Variants in PTPRZ1 observed in about 807,000 individuals in gnomAD.
PTPRZ1 encodes receptor-type tyrosine-protein phosphatase zeta.
PTPRZ1 carries 82 observed loss-of-function variants against 214.1 expected under a neutral mutation model. The observed-to-expected ratio is 0.38, with a 90% confidence interval of 0.32 to 0.46. PTPRZ1 has a LOEUF of 0.46. Ranked by LOEUF, PTPRZ1 falls within the 20% of genes least tolerant of loss-of-function variation. The pLI, the probability that PTPRZ1 is intolerant of heterozygous loss-of-function variation, is 1.00. For missense variants in PTPRZ1, 2,603 were observed against 2,748.7 expected, an observed-to-expected ratio of 0.95 and a Z score of 1.19; for synonymous variants, 945 against 987.9, an observed-to-expected ratio of 0.96 and a Z score of 0.81.
At chr7:121,981,048 A>C (rs1797594042) in intron 6 of PTPRZ1, among the ~76,000 whole-genome samples, 1 of 151,986 alleles carries the variant, frequency 6.6e-6, no homozygotes, top group Non-Finnish European at 1.5e-5. Flanking sequence ...AGGCTGAGGC[A>C]GGAGAATGGC....
At chr7:121,918,053 A>AC (rs1464575517) in intron 1 of PTPRZ1, among the ~76,000 whole-genome samples, 4 of 151,924 alleles carry the variant, frequency 2.6e-5, no homozygotes, top group Non-Finnish European at 5.9e-5. Context: ...GCTAAAAAAA[A>AC]AAAAAAAAGG....
At chr7:121,900,480 T>C (rs910464545) in intron 1 of PTPRZ1, among the ~76,000 whole-genome samples, 2 of 152,232 alleles carry the variant, frequency 1.3e-5, no homozygotes. Flanking sequence ...CTTCCCATTC[T>C]ACTCCATGAA....
At chr7:122,043,360 A>G (rs1226566585) in intron 22 of PTPRZ1, among the ~76,000 whole-genome samples, 1 of 152,194 alleles carries the variant, frequency 6.6e-6, no homozygotes, top group Admixed American at 6.5e-5. Flanking sequence ...CATCCTTGCT[A>G]GCAAAAATCT....
chr7:121,929,858 A>G (rs1795873687), intron 2 of PTPRZ1, among the ~76,000 whole-genome samples: 1 of 150,922 alleles, frequency 6.6e-6, no homozygotes, highest in African/African-American at 2.4e-5. Flanking sequence ...AAATAAATAA[A>G]TAGATTTGTG....
Position 122,039,434 on chromosome 7 carries a change from A to C in PTPRZ1, c.5503-20A>C, listed in dbSNP as rs749196390. 6.2e-7 allele frequency: 1 copy of C among 1,608,272 alleles called. No individual in the cohort carries two copies. Among genetic ancestry groups the C allele is most frequent in the Non-Finnish European group, 8.5e-7 (1 of 1,178,460 alleles). On this transcript the variant is annotated intron_variant, in intron 19 of 29. Transcript: ENST00000393386. ...GGAGCATTTGAAATACAGAAGTAAC[A>C]TCTACATTTTCTTTTGCAGAGAAAA...
At chr7:121,994,127 C>T (rs767560003) in intron 8 of PTPRZ1, among the ~76,000 whole-genome samples, 2 of 152,074 alleles carry the variant, frequency 1.3e-5, no homozygotes, top group African/African-American at 2.4e-5. Context: ...AATTTTGACA[C>T]GTCTACTGAT....
chr7:122,017,582 G>A (rs886824999), intron 12 of PTPRZ1, among the ~76,000 whole-genome samples: 1 of 63,428 alleles, frequency 1.6e-5, no homozygotes, highest in African/African-American at 1.0e-4. Flanking sequence ...TTTATTTTGA[G>A]ATAGAGTCTC....
chr7:121,971,398 CAG>C (rs1302247310), intron 3 of PTPRZ1, among the ~76,000 whole-genome samples: 1 of 152,064 alleles, frequency 6.6e-6, no homozygotes, highest in East Asian at 1.9e-4. Flanking sequence ...CATTCAATGA[CAG>C]AGGGTGACAG....
chr7:122,042,801 G>A (rs1799773660), intron 22 of PTPRZ1, 58 bp downstream of exon 22: 3 of 1,541,848 alleles, frequency 1.9e-6, no homozygotes, highest in Admixed American at 3.4e-5. Context: ...TCACTAAAAT[G>A]TAGGTGTATT....
chr7:121,963,428 G>A (rs191184274), intron 2 of PTPRZ1, among the ~76,000 whole-genome samples: 2 of 152,090 alleles, frequency 1.3e-5, no homozygotes, highest in Non-Finnish European at 2.9e-5. Flanking sequence ...GTGCTTGGAT[G>A]TTGAAATAAT....
chr7:122,044,710 G>A, intron 23 of PTPRZ1, 142 bp downstream of exon 23: 3 of 818,292 alleles, frequency 3.7e-6, no homozygotes, highest in South Asian at 1.9e-5. Context: ...TCCTTACTGT[G>A]GGCTACAGTG....
chr7:122,055,281 C>T (rs1263889592), intron 27 of PTPRZ1, among the ~76,000 whole-genome samples, 194 bp downstream of exon 27: 3 of 151,942 alleles, frequency 2.0e-5, no homozygotes, highest in African/African-American at 7.2e-5. Flanking sequence ...TTAGTCATCA[C>T]TACGTCATTC....
intron 13 of PTPRZ1, among the ~76,000 whole-genome samples, chr7:122,028,066 TC>T (rs1799256706): frequency 1.3e-5 from 2 of 152,226 alleles, no homozygotes; most frequent in Non-Finnish European, 2.9e-5. Flanking sequence ...TCTACATAGT[TC>T]ATTTCTACAT....
chr7:122,012,058 A>T lies in PTPRZ1; in HGVS notation c.3012A>T (p.Glu1004Asp). ...GEWSGASSDS[E>D]FLLPDTDGLT... ...GGTCTGGAGCCTCTTCTGATAGTGA[A>T]TTTCTTTTACCTGACACAGATGGGC... Residue 1004 changes from glutamate to aspartate, a missense_variant, in exon 12 of 30, where the codon GAA becomes GAT. Physicochemically the swap from Glu to Asp is conservative, Grantham distance 45. Coordinates refer to ENST00000393386, the MANE Select transcript of PTPRZ1 (RefSeq NM_002851.3). 1 of 1,614,190 alleles carries T rather than the reference A, an allele frequency of 6.2e-7. No homozygotes were observed. Among genetic ancestry groups the T allele is most frequent in the Non-Finnish European group, 8.5e-7 (1 of 1,180,026 alleles).
intron 2 of PTPRZ1, among the ~76,000 whole-genome samples, chr7:121,934,352 G>A (rs1796009871): frequency 6.6e-6 from 1 of 151,872 alleles, no homozygotes; most frequent in African/African-American, 2.4e-5. Context: ...CATGGACAGT[G>A]CTCAGTGCAG....
chr7:122,057,716 C>A (rs916354204), intron 27 of PTPRZ1, among the ~76,000 whole-genome samples: 1 of 128,628 alleles, frequency 7.8e-6, no homozygotes, highest in African/African-American at 2.9e-5. Context: ...ATGTATTGAT[C>A]TTTTTATTCC....
At chr7:121,950,674 T>G (rs2116454207) in intron 2 of PTPRZ1, among the ~76,000 whole-genome samples, 1 of 152,354 alleles carries the variant, frequency 6.6e-6, no homozygotes, top group Non-Finnish European at 1.5e-5. Flanking sequence ...GAAGTGATCA[T>G]GTGCACAATC....
At chr7:121,933,153 GA>G (rs35284916) in intron 2 of PTPRZ1, among the ~76,000 whole-genome samples, 98 of 132,748 alleles carry the variant, frequency 7.4e-4, no homozygotes, top group Non-Finnish European at 8.6e-4. Flanking sequence ...ACAGTTCAGT[GA>G]AAAAAAAAAA....
In PTPRZ1 at chr7:121,996,664, T is replaced by C. The variant is rs534295937; in HGVS notation, c.1113+98T>C. On this transcript the variant is annotated intron_variant, in intron 9 of 29. Transcript: ENST00000393386. ...GTTGTATATTATTTTCCTCCATTAC[T>C]TTTAGACTTTATGTGAAGGTGGGGT... 495 of 1,024,088 alleles carry C rather than the reference T, an allele frequency of 4.8e-4. 9 individuals carry two copies. In the South Asian group the frequency reaches 0.013, roughly 28 times the overall value. 63.4% of individuals were successfully genotyped at this position (1,024,088 alleles called of 1,614,324 possible).
Sources: gnomAD v4.1 joint callset for allele counts (sites outside exome capture counted in the v4.1 genomes callset) on GRCh38, gnomAD v4.1.1 for gene constraint, MANE v1.5 for transcripts, NCBI Gene and HGNC (gene_info 2026-07-23, HGNC 2026-07-21) for gene names.